The following LYPD6B variants were observed in gnomAD, a reference collection of about 807,000 sequenced individuals.
LYPD6B encodes ly6/PLAUR domain-containing protein 6B.
In LYPD6B, 17 loss-of-function variants were observed where a neutral mutation model predicts 22.8. The ratio of observed to expected loss-of-function variants is 0.75; its 90% CI spans 0.51 to 1.12. The LOEUF is 1.12. Ranked by LOEUF, LYPD6B falls within the 50% of genes most tolerant of loss-of-function variation. The pLI, the probability that LYPD6B is intolerant of heterozygous loss-of-function variation, is 0.00. For missense variants in LYPD6B, 221 were observed against 258.3 expected, an observed-to-expected ratio of 0.86 and a Z score of 0.99; for synonymous variants, 106 against 91.6, an observed-to-expected ratio of 1.16 and a Z score of -0.90.
chr2:149,111,621 A>G (rs556958040), intron 1 of LYPD6B, among the ~76,000 whole-genome samples: 5 of 152,196 alleles, frequency 3.3e-5, no homozygotes, highest in Non-Finnish European at 7.3e-5. Context: ...GATTTTCTAT[A>G]AAGTGTTAAG....
At chr2:149,183,055 A>C (rs1307409164) in intron 3 of LYPD6B, among the ~76,000 whole-genome samples, 1 of 152,220 alleles carries the variant, frequency 6.6e-6, no homozygotes, top group African/African-American at 2.4e-5. Flanking sequence ...ATAAATTCTT[A>C]TCAGGGAAAC....
At chr2:149,055,038 A>G (rs1217152153) in intron 1 of LYPD6B, among the ~76,000 whole-genome samples, 1 of 152,026 alleles carries the variant, frequency 6.6e-6, no homozygotes, top group Non-Finnish European at 1.5e-5. Flanking sequence ...TTCCATGTAG[A>G]TATTTGATCT....
intron 2 of LYPD6B, among the ~76,000 whole-genome samples, chr2:149,133,833 T>C (rs80032961): frequency 0.021 from 3,139 of 152,242 alleles, 108 homozygotes; most frequent in African/African-American, 0.07. Context: ...AGAAAATCCA[T>C]TTAGCAAATA....
chr2:149,061,202 T>G lies in LYPD6B; in HGVS notation c.-67+22401T>G, dbSNP rs997293520. On this transcript the variant is annotated intron_variant, in intron 1 of 6. Coordinates refer to ENST00000409642, the MANE Select transcript of LYPD6B (RefSeq NM_177964.5). The stretch of plus-strand genomic sequence containing the variant: ...AGACTTAGCAGGCTGCAGTGCATTT[T>G]TTTTTTTTTTTTGAGACAGGGTCTT... 7.6e-3 allele frequency among the ~76,000 whole-genome samples: 1,097 copies of G among 144,608 alleles called. 42 individuals carry two copies. The highest frequency in any genetic ancestry group is 0.052 in the Admixed American group (773 of 14,938). 94.9% of individuals were successfully genotyped at this position (144,608 alleles called of 152,430 possible). A position where few individuals can be genotyped will look rare whatever the true frequency, so the allele number is the denominator to read the frequency against.
chr2:149,090,874 G>A (rs1685619373), intron 1 of LYPD6B, among the ~76,000 whole-genome samples: 1 of 152,144 alleles, frequency 6.6e-6, no homozygotes. Context: ...ATTTGGCAAT[G>A]TTGTTCGTTA....
At chr2:149,083,838 A>G (rs1022734473) in intron 1 of LYPD6B, among the ~76,000 whole-genome samples, 16 of 152,094 alleles carry the variant, frequency 1.1e-4, no homozygotes, top group African/African-American at 3.9e-4. Flanking sequence ...GCAGTTTGGG[A>G]GGCCAAGGAG....
intron 3 of LYPD6B, among the ~76,000 whole-genome samples, chr2:149,200,971 A>G (rs1693112547): frequency 6.6e-6 from 1 of 152,240 alleles, no homozygotes; most frequent in South Asian, 2.1e-4. Flanking sequence ...GACCAGGCCT[A>G]CTATGTAGGA....
At chr2:149,151,596 C>T (rs190656861) in intron 2 of LYPD6B, among the ~76,000 whole-genome samples, 41 of 152,218 alleles carry the variant, frequency 2.7e-4, no homozygotes, top group Admixed American at 2.7e-3. Flanking sequence ...GCCTTTTTGC[C>T]GATGGATGTC....
intron 2 of LYPD6B, among the ~76,000 whole-genome samples, chr2:149,135,155 C>T (rs1688279827): frequency 6.9e-6 from 1 of 144,532 alleles, no homozygotes; most frequent in African/African-American, 2.6e-5. Context: ...TGAGACACAA[C>T]AATTGCTTGA....
chr2:149,153,967 G>A, intron 2 of LYPD6B: 1 of 379,492 alleles, frequency 2.6e-6, no homozygotes, highest in Non-Finnish European at 3.6e-6. Flanking sequence ...AACAAGGTGA[G>A]AGCCCTTGAA....
At chr2:149,103,341 A>G (rs7592055) in intron 1 of LYPD6B, among the ~76,000 whole-genome samples, 46,467 of 152,068 alleles carry the variant, frequency 0.31, 8,073 homozygotes, top group East Asian at 0.84. Flanking sequence ...AGTTTAGACT[A>G]TTTCACAGAA....
intron 2 of LYPD6B, among the ~76,000 whole-genome samples, chr2:149,151,438 C>T (rs1381289163): frequency 1.3e-5 from 2 of 152,178 alleles, no homozygotes; most frequent in African/African-American, 4.8e-5. Flanking sequence ...CCAGAGAACT[C>T]TCCAGTTAAA....
At chr2:149,159,633 G>T (rs538018027) in intron 2 of LYPD6B, among the ~76,000 whole-genome samples, 1 of 151,222 alleles carries the variant, frequency 6.6e-6, no homozygotes, top group African/African-American at 2.4e-5. Context: ...TGTATAGAAA[G>T]AGAGAGAGAG....
intron 3 of LYPD6B, among the ~76,000 whole-genome samples, chr2:149,183,383 T>G (rs1385256183): frequency 1.3e-5 from 2 of 152,196 alleles, no homozygotes; most frequent in Admixed American, 6.5e-5. Flanking sequence ...TTTATTCTGA[T>G]GACATCTGCA....
intron 3 of LYPD6B, among the ~76,000 whole-genome samples, chr2:149,173,064 G>A (rs568403296): frequency 1.3e-4 from 20 of 150,880 alleles, no homozygotes; most frequent in African/African-American, 4.9e-4. Flanking sequence ...ATGTTCTATG[G>A]GTTGAATTTC....
At chr2:149,133,420 T>C (rs991713680) in intron 2 of LYPD6B, among the ~76,000 whole-genome samples, 11 of 152,214 alleles carry the variant, frequency 7.2e-5, no homozygotes, top group African/African-American at 2.2e-4. Flanking sequence ...GTCCTTTGAC[T>C]TTAGGTGCTG....
At chr2:149,187,406 A>T (rs771576703) in intron 3 of LYPD6B, 27 of 1,514,144 alleles carry the variant, frequency 1.8e-5, no homozygotes, top group Admixed American at 6.9e-5. Context: ...TACAATTGTT[A>T]TAAGATTATT....
At chr2:149,103,764 T>G in intron 1 of LYPD6B, among the ~76,000 whole-genome samples, 1 of 141,096 alleles carries the variant, frequency 7.1e-6, no homozygotes. Context: ...ATACACGTTG[T>G]GCATATCTTT....
intron 2 of LYPD6B, among the ~76,000 whole-genome samples, chr2:149,145,573 A>C (rs1688969386): frequency 6.6e-6 from 1 of 152,186 alleles, no homozygotes; most frequent in Non-Finnish European, 1.5e-5. Context: ...GGAGGGTCAC[A>C]AGGAAGGGCC....
Sources: gnomAD v4.1 joint callset for allele counts (sites outside exome capture counted in the v4.1 genomes callset) on GRCh38, gnomAD v4.1.1 for gene constraint, MANE v1.5 for transcripts, NCBI Gene and HGNC (gene_info 2026-07-23, HGNC 2026-07-21) for gene names.